Variants in SLC66A1 observed in about 807,000 individuals in gnomAD.
SLC66A1 encodes lysosomal amino acid transporter 1 homolog.
In SLC66A1, 23 loss-of-function variants were observed where a neutral mutation model predicts 33.0. The ratio of observed to expected loss-of-function variants is 0.70; its 90% CI spans 0.50 to 0.99. The LOEUF (loss-of-function observed/expected upper bound fraction) is 0.99, where lower values mean the gene tolerates loss of function less well. SLC66A1 is among the 50% of genes least tolerant of loss of function. The pLI, the probability that SLC66A1 is intolerant of heterozygous loss-of-function variation, is 0.00. For missense variants in SLC66A1, 335 were observed against 383.6 expected (o/e 0.87, Z 1.06); for synonymous variants, 164 against 175.5 (o/e 0.93, Z 0.52).
intron 1 of SLC66A1, chr1:19,313,254 G>A (rs547865620): frequency 1.0e-6 from 1 of 985,342 alleles, no homozygotes; most frequent in Non-Finnish European, 1.2e-6. Context: ...ACCCTGGGCT[G>A]TTCGAGCTCA....
At chr1:19,320,668 G>T (rs533293760) in intron 2 of SLC66A1, among the ~76,000 whole-genome samples, 1 of 151,544 alleles carries the variant, frequency 6.6e-6, no homozygotes, top group Non-Finnish European at 1.5e-5. Flanking sequence ...GCCCGCCTTG[G>T]CCTCCCAAAG....
intron 2 of SLC66A1, among the ~76,000 whole-genome samples, chr1:19,321,567 A>ATTTTTTTTTTTTTTT (rs35415316): frequency 7.6e-6 from 1 of 132,450 alleles, no homozygotes; most frequent in Non-Finnish European, 1.6e-5. Context: ...GTCCAACCTC[A>ATTTTTTTTTTTTTTT]TTTTTTTTTT....
chr1:19,325,467 AC>A (rs1197923237), intron 3 of SLC66A1, 27 bp from the exon 4 acceptor site: 3 of 1,537,868 alleles, frequency 2.0e-6, no homozygotes, highest in Non-Finnish European at 2.7e-6. Flanking sequence ...GACTGCGCCA[AC>A]CCCTGGGCCC....
downstream of SLC66A1, among the ~76,000 whole-genome samples, chr1:19,330,511 G>T (rs959005947): frequency 1.3e-5 from 2 of 152,160 alleles, no homozygotes; most frequent in Non-Finnish European, 2.9e-5. Flanking sequence ...ATGACCAGAA[G>T]GTAGAAATGT....
intron 1 of SLC66A1, among the ~76,000 whole-genome samples, chr1:19,315,997 C>T (rs1023992100): frequency 2.0e-5 from 3 of 152,168 alleles, no homozygotes; most frequent in South Asian, 2.1e-4. Flanking sequence ...CTCACCGGTC[C>T]GAGCTGTGGT....
intron 1 of SLC66A1, among the ~76,000 whole-genome samples, chr1:19,317,291 C>T (rs1398459335): frequency 2.6e-5 from 4 of 152,206 alleles, no homozygotes; most frequent in Non-Finnish European, 5.9e-5. Context: ...TGAGAGGGCT[C>T]AGGCACAGAA....
downstream of SLC66A1, among the ~76,000 whole-genome samples, chr1:19,333,899 C>CAAAACAAAACA (rs890825824): frequency 1.0e-5 from 1 of 98,336 alleles, no homozygotes; most frequent in Non-Finnish European, 2.2e-5. This position sits in a 1 kb window ranked among gnomAD's most constrained non-coding sequence, Gnocchi z 4.2. Flanking sequence ...GACCTTGTCT[C>CAAAACAAAACA]AAACAAAACA....
At chr1:19,326,696 A>ACTCCTTAGCCCAG in intron 6 of SLC66A1, 73 bp downstream of exon 6, 1 of 1,475,632 alleles carries the variant, frequency 6.8e-7, no homozygotes, top group Non-Finnish European at 9.5e-7. Flanking sequence ...CCTCTGGGCT[A>ACTCCTTAGCCCAG]AGGAGTAGCA....
intron 1 of SLC66A1, among the ~76,000 whole-genome samples, chr1:19,314,120 G>A (rs777468061): frequency 1.3e-5 from 2 of 152,214 alleles, no homozygotes; most frequent in Admixed American, 1.3e-4. Flanking sequence ...TGAACAGGAT[G>A]TGGGCCCATG....
In SLC66A1 at chr1:19,326,334, C is replaced by T. The variant is rs746853895; in HGVS notation, c.472C>T (p.Pro158Ser). ...LLSAAGPVAAPREAFRGRALL... is the reference protein window; with the variant it reads ...LLSAAGPVAASREAFRGRALL... Reference sequence around the variant, plus strand: ...GAGTGCTGCTGGGCCCGTGGCTGCCCCTAGGGAAGCCTTCCGGGGGCGGGC... The same window carrying T: ...GAGTGCTGCTGGGCCCGTGGCTGCCTCTAGGGAAGCCTTCCGGGGGCGGGC... Residue 158 changes from proline to serine, a missense_variant, in exon 5 of 8, where the codon CCT becomes TCT. Physicochemically the swap from Pro to Ser is moderately conservative, Grantham distance 74 (BLOSUM62 -1). Coordinates refer to ENST00000375153, the MANE Select transcript of SLC66A1 (RefSeq NM_001040125.2). 25 of 1,606,608 alleles carry T rather than the reference C, an allele frequency of 1.6e-5. No homozygotes were observed. In the South Asian group the frequency reaches 2.7e-4, roughly 18 times the overall value.
Position 19,328,834 on chromosome 1 carries a change from C to A in SLC66A1, c.*191C>A, listed in dbSNP as rs568013856. The A allele has an allele frequency of 8.1e-5, 52 of 638,656 alleles. No homozygotes were observed. Among genetic ancestry groups the A allele is most frequent in the African/African-American group, 7.9e-4 (43 of 54,738 alleles). The allele number at this position is 638,656 out of a possible 1,614,324, so 39.6% of individuals were successfully genotyped here. A position where few individuals can be genotyped will look rare whatever the true frequency, so the allele number is the denominator to read the frequency against. On this transcript the variant is annotated 3_prime_UTR_variant, in exon 8 of 8. Coordinates refer to ENST00000375153, the MANE Select transcript of SLC66A1 (RefSeq NM_001040125.2). This position sits in a 1 kb window ranked among gnomAD's most constrained non-coding sequence, Gnocchi z 4.7. The stretch of plus-strand genomic sequence containing the variant: ...CGAAGCCTCAAGGCCGGGGCTGGAG[C>A]GGAGACCCCAGGGCCTCTCAGGAGA...
rs115359975 is a variant in SLC66A1, at chr1:19,325,475, G to A, written c.295-20G>A. 3,626 of 1,559,294 alleles carry A rather than the reference G, an allele frequency of 2.3e-3. 76 individuals carry two copies. The African/African-American group carries it at 0.044, about 19-fold the overall frequency. On this transcript the variant is annotated intron_variant, in intron 3 of 7. Transcript: ENST00000375153. ...ATCCTGGGACTGCGCCAACCCCTGG[G>A]CCCCCTGCATCTCTTACAGACCTAC...
chr1:19,328,499 A>G lies in SLC66A1; in HGVS notation c.805-73A>G. The G allele has an allele frequency of 7.1e-7, 1 of 1,405,312 alleles. No individual in the cohort carries two copies. The highest frequency in any genetic ancestry group is 9.9e-7 in the Non-Finnish European group (1 of 1,014,168). The allele number at this position is 1,405,312 out of a possible 1,614,324, so 87.1% of individuals were successfully genotyped here. A position where few individuals can be genotyped will look rare whatever the true frequency, so the allele number is the denominator to read the frequency against. On this transcript the variant is annotated intron_variant, in intron 7 of 7. Coordinates refer to ENST00000375153, the MANE Select transcript of SLC66A1 (RefSeq NM_001040125.2). This position sits in a 1 kb window ranked among gnomAD's most constrained non-coding sequence, Gnocchi z 4.7. ...GGGAGGGGAGAGGGAGGCAGCTCCCAGGAGTCGAAGGCCCCCAGGGGCAGG... is the reference window on the plus strand; with the variant it reads ...GGGAGGGGAGAGGGAGGCAGCTCCCGGGAGTCGAAGGCCCCCAGGGGCAGG...
chr1:19,332,275 C>G (rs2093894662), downstream of SLC66A1, among the ~76,000 whole-genome samples: 1 of 152,202 alleles, frequency 6.6e-6, no homozygotes, highest in Admixed American at 6.6e-5. Context: ...GTGACTTGAG[C>G]AGATGTCCGA....
At chr1:19,319,525 G>A (rs1309967960) in intron 2 of SLC66A1, among the ~76,000 whole-genome samples, 1 of 150,330 alleles carries the variant, frequency 6.7e-6, no homozygotes, top group Non-Finnish European at 1.5e-5. Context: ...AGCACATTTG[G>A]TTATCCATTC....
chr1:19,327,530 T>TCCCTCCCC, intron 7 of SLC66A1, 118 bp downstream of exon 7: 2 of 772,858 alleles, frequency 2.6e-6, no homozygotes, highest in Non-Finnish European at 1.9e-6. Context: ...CATCCATCCA[T>TCCCTCCCC]CCCTCCCTCC....
intron 6 of SLC66A1, among the ~76,000 whole-genome samples, chr1:19,326,932 G>A (rs974968715): frequency 2.0e-5 from 3 of 152,180 alleles, no homozygotes; most frequent in Non-Finnish European, 2.9e-5. Flanking sequence ...GGGGAGTCGG[G>A]GAGGGGAGGC....
chr1:19,330,939 C>G (rs189929781), downstream of SLC66A1, among the ~76,000 whole-genome samples: 106 of 152,370 alleles, frequency 7.0e-4, no homozygotes, highest in African/African-American at 2.5e-3. Context: ...TGCACACTTG[C>G]CATGTGCGGG....
intron 1 of SLC66A1, among the ~76,000 whole-genome samples, chr1:19,315,656 A>G (rs1283044109): frequency 6.6e-6 from 1 of 152,208 alleles, no homozygotes; most frequent in Non-Finnish European, 1.5e-5. Context: ...AGCACAGGGA[A>G]AAAAGAGGAA....
Sources: allele counts gnomAD v4.1 joint callset (sites outside exome capture counted in the v4.1 genomes callset), GRCh38; gene constraint gnomAD v4.1.1; non-coding constraint Gnocchi (gnomAD v3.1); transcripts MANE v1.5; gene names NCBI Gene and HGNC (gene_info 2026-07-23, HGNC 2026-07-21).